MDFIC: variants seen among roughly 807,000 people sequenced by gnomAD.
MDFIC encodes the protein MyoD family inhibitor domain containing.
A neutral mutation model predicts 23.2 loss-of-function variants in MDFIC; 17 were observed. The observed-to-expected ratio is 0.73, with a 90% CI of 0.50 to 1.10. The LOEUF is 1.10. Among genes scored for constraint, MDFIC ranks in the 50% least tolerant of loss-of-function variants. MDFIC has a pLI of 0.00. For missense variants in MDFIC, 356 were observed against 316.6 expected, an observed-to-expected ratio of 1.12 and a Z score of -0.95; for synonymous variants, 120 against 115.2, an observed-to-expected ratio of 1.04 and a Z score of -0.27.
intron 3 of MDFIC, among the ~76,000 whole-genome samples, chr7:114,967,602 A>G (rs1331881364): frequency 1.3e-5 from 2 of 152,130 alleles, no homozygotes; most frequent in Non-Finnish European, 2.9e-5. Flanking sequence ...GTTAAGTTAT[A>G]TGAGGGCCAG....
intron 4 of MDFIC, among the ~76,000 whole-genome samples, chr7:115,004,110 T>G (rs890108899): frequency 3.3e-5 from 5 of 152,214 alleles, no homozygotes; most frequent in Non-Finnish European, 5.9e-5. Context: ...GCCTTTGGAA[T>G]CACATAGATC....
intron 3 of MDFIC, among the ~76,000 whole-genome samples, chr7:114,971,717 G>A (rs569336104): frequency 1.3e-5 from 2 of 152,128 alleles, no homozygotes; most frequent in Admixed American, 6.6e-5. Flanking sequence ...GCTATACTTG[G>A]ATAAAATATA....
intron 2 of MDFIC, among the ~76,000 whole-genome samples, chr7:114,927,459 T>C (rs1468990260): frequency 6.6e-6 from 1 of 152,060 alleles, no homozygotes; most frequent in East Asian, 1.9e-4. Flanking sequence ...GTCATACGCT[T>C]CAATTCATCC....
At chr7:114,923,376 A>G in intron 2 of MDFIC, 1 of 1,383,644 alleles carries the variant, frequency 7.2e-7, no homozygotes, top group Admixed American at 2.0e-5. Flanking sequence ...AAGAAACAGG[A>G]TGACAGGATT....
At chr7:114,977,980 A>G (rs1209084341) in intron 3 of MDFIC, among the ~76,000 whole-genome samples, 1 of 148,116 alleles carries the variant, frequency 6.8e-6, no homozygotes, top group Non-Finnish European at 1.5e-5. Flanking sequence ...ATTAGATTAT[A>G]TTGATATAAC....
chr7:114,973,495 A>G (rs1271850791), intron 3 of MDFIC, among the ~76,000 whole-genome samples: 1 of 152,180 alleles, frequency 6.6e-6, no homozygotes, highest in East Asian at 1.9e-4. Flanking sequence ...ACGTAGATAC[A>G]TACCTGAACC....
At chr7:114,990,942 T>G (rs1245336934) in intron 4 of MDFIC, among the ~76,000 whole-genome samples, 6 of 151,964 alleles carry the variant, frequency 3.9e-5, no homozygotes, top group Non-Finnish European at 8.8e-5. Flanking sequence ...CCACAATGGT[T>G]GAACTAGTTT....
At chr7:115,008,983 C>T (rs1319212352) in intron 4 of MDFIC, among the ~76,000 whole-genome samples, 3 of 152,252 alleles carry the variant, frequency 2.0e-5, no homozygotes, top group South Asian at 4.2e-4. Flanking sequence ...TGCTCTGTGG[C>T]GTTGATGTTA....
chr7:114,987,988 T>C (rs1402145755), intron 4 of MDFIC, among the ~76,000 whole-genome samples: 1 of 152,190 alleles, frequency 6.6e-6, no homozygotes, highest in Non-Finnish European at 1.5e-5. Flanking sequence ...CTGAAAAATA[T>C]GTAACTTAAT....
Position 114,942,314 on chromosome 7 carries a change from A to G in MDFIC, c.134A>G (p.Gln45Arg). The change falls in exon 3 of 5, where the codon CAA becomes CGA. Residue 45 changes from glutamine (Q) to arginine (R), a missense_variant. By Grantham distance (43) the Gln-to-Arg change is conservative. Coordinates refer to ENST00000393486, the MANE Select transcript of MDFIC (RefSeq NM_001166345.3). ...GACAATACTGAGAAAGATATAACTCAAGCTACCAATAGCCACTTCACACAT... is the reference window on the plus strand; with the variant it reads ...GACAATACTGAGAAAGATATAACTCGAGCTACCAATAGCCACTTCACACAT... ...DKDNTEKDIT[Q>R]ATNSHFTHGE... The G allele has an allele frequency of 6.3e-7, 1 of 1,586,400 alleles. No homozygotes were observed. The highest frequency in any genetic ancestry group is 1.1e-5 in the South Asian group (1 of 89,210).
chr7:114,980,613 A>G (rs1476451155), intron 4 of MDFIC, among the ~76,000 whole-genome samples: 2 of 152,162 alleles, frequency 1.3e-5, no homozygotes, highest in African/African-American at 2.4e-5. Flanking sequence ...ATTTCTTTCC[A>G]TGTATCCATG....
chr7:114,939,102 A>G (rs879712850), intron 2 of MDFIC, among the ~76,000 whole-genome samples: 4,998 of 152,302 alleles, frequency 0.033, 270 homozygotes, highest in African/African-American at 0.11. Context: ...ACTGCCCACC[A>G]TTTATGAGAC....
rs1412247080 is a variant in MDFIC at position 114,997,592 on chromosome 7, A to C, written c.493+17811A>C. Among the ~76,000 whole-genome samples, 4 of 131,402 alleles carry C rather than the reference A, an allele frequency of 3.0e-5. No homozygotes were observed. In the East Asian group the frequency reaches 7.1e-4, roughly 23 times the overall value. 86.2% of individuals were successfully genotyped at this position (131,402 alleles called of 152,430 possible). A position where few individuals can be genotyped will look rare whatever the true frequency, so the allele number is the denominator to read the frequency against. On this transcript the variant is annotated intron_variant, in intron 4 of 4. Coordinates refer to ENST00000393486, the MANE Select transcript of MDFIC (RefSeq NM_001166345.3). ...TCTCTACAGGAAAAAAAAAAAAAAA[A>C]ATTAACCAGGCGTGGTGCTGCGTGC...
intron 3 of MDFIC, among the ~76,000 whole-genome samples, chr7:114,967,830 C>CTTTTTTTTTTTTTTTTT (rs56343596): frequency 1.7e-5 from 2 of 118,806 alleles, no homozygotes; most frequent in African/African-American, 3.1e-5. Flanking sequence ...TCTTTCTTTT[C>CTTTTTTTTTTTTTTTTT]TTTTTTTTTT....
intron 3 of MDFIC, among the ~76,000 whole-genome samples, chr7:114,967,797 T>C (rs1043000693): frequency 3.3e-5 from 5 of 151,436 alleles, no homozygotes; most frequent in Non-Finnish European, 5.9e-5. Flanking sequence ...GTCTCAATCA[T>C]GTTAATCTTT....
chr7:114,934,848 T>C (rs1339389368), intron 2 of MDFIC, among the ~76,000 whole-genome samples: 1 of 152,200 alleles, frequency 6.6e-6, no homozygotes, highest in Non-Finnish European at 1.5e-5. Flanking sequence ...AATGCATTTT[T>C]AATCCATTTT....
At chr7:115,013,239 T>G (rs1791717317) in intron 4 of MDFIC, among the ~76,000 whole-genome samples, 1 of 152,196 alleles carries the variant, frequency 6.6e-6, no homozygotes, top group Non-Finnish European at 1.5e-5. Context: ...GATCATTTAA[T>G]ATTTAATACT....
chr7:115,016,172 G>T lies in MDFIC; in HGVS notation c.*237G>T. 3 of 430,462 alleles carry T rather than the reference G, an allele frequency of 7.0e-6. No homozygotes were observed. The highest frequency in any genetic ancestry group is 1.2e-5 in the Non-Finnish European group (3 of 243,322). The allele number at this position is 430,462 out of a possible 1,614,324, so 26.7% of individuals were successfully genotyped here. On this transcript the variant is annotated 3_prime_UTR_variant, in exon 5 of 5. Coordinates refer to ENST00000393486, the MANE Select transcript of MDFIC (RefSeq NM_001166345.3). ...TTCTTAATATGTTACAATAACTTAGGGACATTTTGACACCCCCCTTCCCAA... is the reference window on the plus strand; with the variant it reads ...TTCTTAATATGTTACAATAACTTAGTGACATTTTGACACCCCCCTTCCCAA...
intron 3 of MDFIC, among the ~76,000 whole-genome samples, chr7:114,954,336 A>G (rs1040381214): frequency 4.6e-5 from 7 of 152,218 alleles, no homozygotes; most frequent in Non-Finnish European, 1.0e-4. Context: ...TTCATGGTCA[A>G]CTGGAATCTG....
Sources: gnomAD v4.1 joint callset for allele counts (sites outside exome capture counted in the v4.1 genomes callset) on GRCh38, gnomAD v4.1.1 for gene constraint, MANE v1.5 for transcripts, NCBI Gene and HGNC (gene_info 2026-07-23, HGNC 2026-07-21) for gene names.